The following VEPH1 variants were observed in gnomAD, a reference collection of about 807,000 sequenced individuals.
VEPH1 encodes the protein ventricular zone-expressed PH domain-containing protein homolog 1.
VEPH1 carries 80 observed loss-of-function variants against 85.2 expected under a neutral mutation model. The observed-to-expected ratio is 0.94, with a 90% CI of 0.78 to 1.13. The LOEUF (loss-of-function observed/expected upper bound fraction) is 1.13, where lower values mean the gene tolerates loss of function less well. Ranked by LOEUF, VEPH1 falls within the 50% of genes most tolerant of loss-of-function variation. The probability of loss-of-function intolerance (pLI) is 0.00; values close to 1 mark genes in which losing one functional copy is unlikely to be tolerated. For synonymous variants in VEPH1, 297 were observed against 348.0 expected, an observed-to-expected ratio of 0.85 and a Z score of 1.63; for missense variants, 955 against 980.5, an observed-to-expected ratio of 0.97 and a Z score of 0.35.
intron 11 of VEPH1, among the ~76,000 whole-genome samples, chr3:157,290,645 A>G (rs1178817533): frequency 6.6e-6 from 1 of 152,210 alleles, no homozygotes; most frequent in Non-Finnish European, 1.5e-5. Flanking sequence ...AGAATGTTGA[A>G]GTTCAAACTA....
chr3:157,273,194 T>C (rs535093885), intron 12 of VEPH1, among the ~76,000 whole-genome samples: 2 of 152,340 alleles, frequency 1.3e-5, no homozygotes, highest in African/African-American at 2.4e-5. Flanking sequence ...TTTTTATTAA[T>C]ACCCATTGCC....
intron 4 of VEPH1, among the ~76,000 whole-genome samples, chr3:157,445,731 G>A (rs1206259746): frequency 6.6e-6 from 1 of 152,228 alleles, no homozygotes; most frequent in Non-Finnish European, 1.5e-5. Flanking sequence ...GGAGATTGCA[G>A]TGAGCCAAGA....
intron 7 of VEPH1, among the ~76,000 whole-genome samples, chr3:157,369,180 G>GAAAAAAAAAAACAAAA (rs1553773037): frequency 2.3e-5 from 1 of 42,780 alleles, no homozygotes; most frequent in Non-Finnish European, 4.0e-5. Context: ...AAAACCAAAT[G>GAAAAAAAAAAACAAAA]AAAAAAAAAA....
chr3:157,470,141 A>G (rs1362680412), intron 3 of VEPH1, among the ~76,000 whole-genome samples, 173 bp downstream of exon 3: 1 of 152,174 alleles, frequency 6.6e-6, no homozygotes, highest in Non-Finnish European at 1.5e-5. Flanking sequence ...CAGGAGCTCT[A>G]CAGAACTTTC....
At chr3:157,269,739 G>A (rs12496611) in intron 12 of VEPH1, among the ~76,000 whole-genome samples, 47,494 of 148,984 alleles carry the variant, frequency 0.32, 7,852 homozygotes, top group South Asian at 0.46. Flanking sequence ...CTTTTAAGCA[G>A]GTGATTCAGA....
rs569128805 is a variant in VEPH1 at position 157,480,369 on chromosome 3, A to C, written c.139-9840T>G. 4.6e-5 allele frequency among the ~76,000 whole-genome samples: 7 copies of C among 152,262 alleles called. No individual in the cohort carries two copies. The East Asian group carries it at 1.4e-3, about 29-fold the overall frequency. On this transcript the variant is annotated intron_variant, in intron 2 of 13. Coordinates refer to ENST00000362010, the MANE Select transcript of VEPH1 (RefSeq NM_001167912.2). ...TTGTTACAAGAGTATATTTTATGAC[A>C]CTGAGGTTTGGGGGCATAAATTATG...
intron 9 of VEPH1, among the ~76,000 whole-genome samples, chr3:157,340,692 G>T (rs571337197): frequency 6.6e-6 from 1 of 152,146 alleles, no homozygotes; most frequent in Non-Finnish European, 1.5e-5. Flanking sequence ...CTCCCAGCAC[G>T]GAGTTTGAGA....
chr3:157,290,989 A>G (rs1300997531), intron 11 of VEPH1, among the ~76,000 whole-genome samples: 1 of 152,226 alleles, frequency 6.6e-6, no homozygotes, highest in Non-Finnish European at 1.5e-5. Context: ...AATGTGGTCT[A>G]TGTACTTTGA....
rs2108220037 is a variant in VEPH1, at chr3:157,259,961, T to A, written c.*1173A>T. On this transcript the variant is annotated 3_prime_UTR_variant, in exon 14 of 14. Coordinates refer to ENST00000362010, the MANE Select transcript of VEPH1 (RefSeq NM_001167912.2). ...AGCCGTAGAGCTCATGGCAGCTTGC[T>A]TATTTAAGGCTAATAGGAGAGAGAG... 2.6e-5 allele frequency: 4 copies of A among 152,330 alleles called. No individual in the cohort carries two copies. The South Asian group carries it at 8.3e-4, about 32-fold the overall frequency. The allele number at this position is 152,330 out of a possible 1,614,324, so 9.4% of individuals were successfully genotyped here.
At chr3:157,400,539 A>C (rs181291798) in intron 6 of VEPH1, among the ~76,000 whole-genome samples, 3 of 152,176 alleles carry the variant, frequency 2.0e-5, no homozygotes, top group Non-Finnish European at 2.9e-5. Context: ...TATTTGAGAC[A>C]ATAAATTATG....
At chr3:157,363,292 C>T in intron 9 of VEPH1, 72 bp downstream of exon 9, 1 of 1,401,606 alleles carries the variant, frequency 7.1e-7, no homozygotes, top group South Asian at 1.8e-5. Context: ...GCTAATTTAC[C>T]TGATTTGAGC....
chr3:157,353,266 T>G (rs1260422519), intron 9 of VEPH1, among the ~76,000 whole-genome samples: 1 of 151,604 alleles, frequency 6.6e-6, no homozygotes, highest in Non-Finnish European at 1.5e-5. Context: ...ACCCCCAATC[T>G]GATTATTTTT....
At chr3:157,294,470 T>C (rs1717884580) in intron 11 of VEPH1, among the ~76,000 whole-genome samples, 1 of 152,254 alleles carries the variant, frequency 6.6e-6, no homozygotes, top group African/African-American at 2.4e-5. Context: ...TGGTATTCTA[T>C]GCATATTTAG....
intron 12 of VEPH1, among the ~76,000 whole-genome samples, chr3:157,284,666 G>A (rs77257662): frequency 7.6e-6 from 1 of 131,382 alleles, no homozygotes. Flanking sequence ...AAGGGTTTTG[G>A]TGAAAAAAAA....
intron 6 of VEPH1, among the ~76,000 whole-genome samples, chr3:157,407,532 T>C (rs759957544): frequency 3.3e-5 from 5 of 152,112 alleles, no homozygotes; most frequent in African/African-American, 1.2e-4. Context: ...AAAAGAAAAA[T>C]TGTGTAGCCA....
At chr3:157,270,200 G>A (rs1331220260) in intron 12 of VEPH1, among the ~76,000 whole-genome samples, 4 of 152,032 alleles carry the variant, frequency 2.6e-5, no homozygotes, top group African/African-American at 9.6e-5. Context: ...GAGCCTCAGA[G>A]GTCAAAGTGT....
At chr3:157,373,156 G>A (rs957435570) in intron 7 of VEPH1, among the ~76,000 whole-genome samples, 3 of 152,158 alleles carry the variant, frequency 2.0e-5, no homozygotes, top group African/African-American at 7.2e-5. Context: ...AGGTCACTTA[G>A]CTAAACCAAC....
At chr3:157,389,557 A>C (rs746523398) in intron 6 of VEPH1, among the ~76,000 whole-genome samples, 4 of 152,132 alleles carry the variant, frequency 2.6e-5, no homozygotes. Context: ...CATTTTTAGC[A>C]AGTAGGTAAA....
intron 5 of VEPH1, among the ~76,000 whole-genome samples, chr3:157,427,345 C>T (rs899012836): frequency 6.6e-6 from 1 of 152,086 alleles, no homozygotes; most frequent in Non-Finnish European, 1.5e-5. Context: ...GTCTTGAACT[C>T]CTGACCTTGT....
Sources: allele counts gnomAD v4.1 joint callset (sites outside exome capture counted in the v4.1 genomes callset), GRCh38; gene constraint gnomAD v4.1.1; transcripts MANE v1.5; gene names NCBI Gene and HGNC (gene_info 2026-07-23, HGNC 2026-07-21).